The following CNTNAP5 variants were observed in gnomAD, a reference collection of about 807,000 sequenced individuals.
CNTNAP5 encodes the protein contactin associated protein family member 5, also known as contactin-associated protein-like 5.
In CNTNAP5, 72 loss-of-function variants were observed where a neutral mutation model predicts 150.2. That is an observed-to-expected ratio of 0.48 (90% confidence interval 0.40 to 0.58). The LOEUF (loss-of-function observed/expected upper bound fraction) is 0.58, where lower values mean the gene tolerates loss of function less well. CNTNAP5 is among the 20% of genes least tolerant of loss of function. The pLI is 0.00. For missense variants in CNTNAP5, 1,636 were observed against 1,626.2 expected, an observed-to-expected ratio of 1.01 and a Z score of -0.10; for synonymous variants, 672 against 619.8, an observed-to-expected ratio of 1.08 and a Z score of -1.25.
intron 13 of CNTNAP5, among the ~76,000 whole-genome samples, chr2:124,745,792 A>C (rs181867376): frequency 1.3e-5 from 2 of 152,136 alleles, no homozygotes; most frequent in African/African-American, 2.4e-5. Context: ...TGCTTCATGA[A>C]TCAGCACCCC....
intron 11 of CNTNAP5, among the ~76,000 whole-genome samples, chr2:124,566,739 C>A (rs1459229732): frequency 2.0e-5 from 3 of 152,120 alleles, no homozygotes; most frequent in Non-Finnish European, 4.4e-5. Context: ...AACTAATTTC[C>A]CCCTCCCCCA....
At chr2:124,503,669 C>T (rs556847071) in intron 7 of CNTNAP5, among the ~76,000 whole-genome samples, 2 of 152,324 alleles carry the variant, frequency 1.3e-5, no homozygotes, top group South Asian at 2.1e-4. Flanking sequence ...AGCTCTGCCT[C>T]TCTTCACCTT....
intron 12 of CNTNAP5, among the ~76,000 whole-genome samples, chr2:124,636,928 C>T (rs981897613): frequency 1.3e-5 from 1 of 77,716 alleles, no homozygotes; most frequent in Non-Finnish European, 4.0e-5. Flanking sequence ...CTCATTTTCT[C>T]AGACATTTTA....
chr2:124,373,945 G>A (rs531139718), intron 3 of CNTNAP5, among the ~76,000 whole-genome samples: 52 of 152,102 alleles, frequency 3.4e-4, no homozygotes, highest in African/African-American at 1.1e-3. Flanking sequence ...TATGTTAAGT[G>A]AAGATCACAA....
At chr2:124,685,048 G>A (rs73953179) in intron 13 of CNTNAP5, among the ~76,000 whole-genome samples, 2,051 of 152,180 alleles carry the variant, frequency 0.013, 48 homozygotes, top group African/African-American at 0.046. Context: ...GCCTGCCATA[G>A]GAATTAAAAC....
rs539084375 is a variant in CNTNAP5, at chr2:124,364,551, A to G, written c.382-52892A>G. On this transcript the variant is annotated intron_variant, in intron 3 of 23. Transcript: ENST00000682447. ...GAGGGCATAAATCTTTTCCCAATGTATACACTGAGGTTTTCCAAGTGTCTC... is the reference window on the plus strand; with the variant it reads ...GAGGGCATAAATCTTTTCCCAATGTGTACACTGAGGTTTTCCAAGTGTCTC... 7.2e-5 allele frequency among the ~76,000 whole-genome samples: 11 copies of G among 152,322 alleles called. No homozygotes were observed. The South Asian group carries it at 2.1e-3, about 29-fold the overall frequency.
intron 21 of CNTNAP5, among the ~76,000 whole-genome samples, chr2:124,890,724 CTAA>C (rs1678176099): frequency 6.6e-6 from 1 of 152,036 alleles, no homozygotes; most frequent in African/African-American, 2.4e-5. Context: ...CGTAGAGCTT[CTAA>C]TTTTATATAG....
chr2:124,671,484 T>A (rs1678823067), intron 13 of CNTNAP5, among the ~76,000 whole-genome samples: 1 of 152,142 alleles, frequency 6.6e-6, no homozygotes, highest in Non-Finnish European at 1.5e-5. Flanking sequence ...GAGGAAAAAA[T>A]GTAATAATGT....
chr2:124,237,927 G>A (rs1159948606), intron 2 of CNTNAP5, among the ~76,000 whole-genome samples: 1 of 152,088 alleles, frequency 6.6e-6, no homozygotes, highest in African/African-American at 2.4e-5. Context: ...TTAAGATGTT[G>A]GTTCCTATTG....
chr2:124,229,552 A>G (rs1384331937), intron 2 of CNTNAP5, among the ~76,000 whole-genome samples: 1 of 152,190 alleles, frequency 6.6e-6, no homozygotes, highest in African/African-American at 2.4e-5. Context: ...AACAAACACA[A>G]CAAAATACAT....
intron 3 of CNTNAP5, among the ~76,000 whole-genome samples, chr2:124,247,808 A>G (rs1256601064): frequency 6.6e-6 from 1 of 152,158 alleles, no homozygotes; most frequent in East Asian, 1.9e-4. Context: ...CTAATACATT[A>G]TTATTTATTA....
At chr2:124,810,221 G>T (rs1188800266) in intron 19 of CNTNAP5, among the ~76,000 whole-genome samples, 1 of 152,106 alleles carries the variant, frequency 6.6e-6, no homozygotes, top group Non-Finnish European at 1.5e-5. Flanking sequence ...ACCTTATATA[G>T]TTCTGGGAGA....
chr2:124,631,609 C>T (rs2105009834), intron 12 of CNTNAP5, among the ~76,000 whole-genome samples: 2 of 152,216 alleles, frequency 1.3e-5, no homozygotes, highest in East Asian at 3.9e-4. Flanking sequence ...TAACCCAAAG[C>T]TAACAAACCC....
At chr2:124,027,971 CTCTT>C (rs1680944308) in intron 1 of CNTNAP5, among the ~76,000 whole-genome samples, 1 of 152,152 alleles carries the variant, frequency 6.6e-6, no homozygotes. Flanking sequence ...ACTGACCACA[CTCTT>C]TATTCATTAA....
At chr2:124,252,620 C>T (rs1687214890) in intron 3 of CNTNAP5, among the ~76,000 whole-genome samples, 1 of 152,126 alleles carries the variant, frequency 6.6e-6, no homozygotes, top group South Asian at 2.1e-4. Flanking sequence ...TGTTTGAGTT[C>T]TCTTCTTGAA....
At chr2:124,600,394 G>GTA (rs2104972562) in intron 11 of CNTNAP5, among the ~76,000 whole-genome samples, 1 of 152,182 alleles carries the variant, frequency 6.6e-6, no homozygotes, top group South Asian at 2.1e-4. Flanking sequence ...CTAGTAACAT[G>GTA]TATCAGTAGA....
At chr2:124,239,594 G>T (rs1206384743) in intron 2 of CNTNAP5, among the ~76,000 whole-genome samples, 2 of 151,948 alleles carry the variant, frequency 1.3e-5, no homozygotes, top group African/African-American at 4.8e-5. Context: ...AAAATCAGAA[G>T]AGTATAAAAT....
At chr2:124,350,025 C>T (rs977528760) in intron 3 of CNTNAP5, among the ~76,000 whole-genome samples, 4 of 151,894 alleles carry the variant, frequency 2.6e-5, no homozygotes, top group African/African-American at 9.7e-5. Context: ...GCTAGGATTA[C>T]AGGCACCCAC....
chr2:124,513,653 T>C (rs1349737075), intron 8 of CNTNAP5, among the ~76,000 whole-genome samples: 3 of 152,148 alleles, frequency 2.0e-5, no homozygotes, highest in Non-Finnish European at 4.4e-5. Flanking sequence ...GAAGAGTTAG[T>C]AGTGATTTTT....
Sources: gnomAD v4.1 joint callset for allele counts (sites outside exome capture counted in the v4.1 genomes callset) on GRCh38, gnomAD v4.1.1 for gene constraint, MANE v1.5 for transcripts, NCBI Gene and HGNC (gene_info 2026-07-23, HGNC 2026-07-21) for gene names.